UGCG: variants seen among roughly 807,000 people sequenced by gnomAD.
UGCG encodes the protein UDP-glucose ceramide glucosyltransferase, also known as ceramide glucosyltransferase.
Under a neutral mutation model 49.5 loss-of-function variants are expected in UGCG, and 10 were observed. That is an observed-to-expected ratio of 0.20 (90% CI 0.12 to 0.34). UGCG has a LOEUF of 0.34. Ranked by LOEUF, UGCG falls within the 10% of genes least tolerant of loss-of-function variation. The probability of loss-of-function intolerance (pLI) is 1.00; values close to 1 mark genes in which losing one functional copy is unlikely to be tolerated. For synonymous variants in UGCG, 182 were observed against 158.2 expected (o/e 1.15, Z -1.13); for missense variants, 312 against 483.7 (o/e 0.65, Z 3.33).
intron 1 of UGCG, among the ~76,000 whole-genome samples, chr9:111,899,918 T>G (rs979716654): frequency 2.6e-5 from 4 of 152,192 alleles, no homozygotes; most frequent in African/African-American, 9.7e-5. Flanking sequence ...TGCTTTATAC[T>G]TGGGTATGTT....
At position 111,933,067 on chromosome 9, in the gene UGCG, T is replaced by A; in HGVS notation, c.*70T>A. 1 of 1,280,544 alleles carries A rather than the reference T, an allele frequency of 7.8e-7. No individual in the cohort carries two copies. Among genetic ancestry groups the A allele is most frequent in the African/African-American group, 1.5e-5 (1 of 64,754 alleles). 79.3% of individuals were successfully genotyped at this position (1,280,544 alleles called of 1,614,324 possible). ...TAAATTATGTTTATATAAATGCTTT[T>A]AAAAATCTACCTTCTGTAGTTTTAT... On this transcript the variant is annotated 3_prime_UTR_variant, in exon 9 of 9. Coordinates refer to ENST00000374279, the MANE Select transcript of UGCG (RefSeq NM_003358.3).
chr9:111,898,133 T>A (rs1281925639), intron 1 of UGCG, among the ~76,000 whole-genome samples: 2 of 151,628 alleles, frequency 1.3e-5, no homozygotes, highest in African/African-American at 4.9e-5. Context: ...ACGAAGCGTG[T>A]AAGTAAAATA....
In UGCG at chr9:111,922,896, T is replaced by G; in HGVS notation, c.288T>G (p.Asp96Glu). 7 of 1,613,320 alleles carry G rather than the reference T, an allele frequency of 4.3e-6. No homozygotes were observed. The highest frequency in any genetic ancestry group is 5.9e-6 in the Non-Finnish European group (7 of 1,179,740). ...AAGATCATGATGATCCAGCCATTGA[T>G]GTATGTAAGAAGCTTCTTGGAAAAT... is the stretch of plus-strand genomic sequence containing the variant. ...CVQDHDDPAI[D>E]VCKKLLGKYP... The change falls in exon 3 of 9, where the codon GAT (aspartate) becomes GAG (glutamate). Residue 96 changes from aspartate (D) to glutamate (E), a missense_variant. Physicochemically the swap from Asp to Glu is conservative, Grantham distance 45 (BLOSUM62 2). This residue lies in a region of UGCG where 64 missense variants were observed against 67.6 expected (regional missense o/e 0.95). Transcript: ENST00000374279.
chr9:111,932,023 TAAA>T (rs10708488), intron 7 of UGCG, 144 bp from the exon 8 acceptor site: 55 of 738,156 alleles, frequency 7.5e-5, no homozygotes, highest in Non-Finnish European at 9.7e-5. Context: ...CCGTCTCAAG[TAAA>T]AAAAAAAAAA....
intron 5 of UGCG, among the ~76,000 whole-genome samples, chr9:111,927,510 G>C (rs1838338565): frequency 6.6e-6 from 1 of 151,654 alleles, no homozygotes. Context: ...GGAGTGCAGT[G>C]GCGCGATCTC....
intron 2 of UGCG, among the ~76,000 whole-genome samples, chr9:111,915,255 A>C (rs1415001370): frequency 6.6e-6 from 1 of 152,216 alleles, no homozygotes; most frequent in Non-Finnish European, 1.5e-5. Flanking sequence ...TTTAATAGCT[A>C]ATTGTATTGC....
At chr9:111,931,759 G>T (rs1007688096) in intron 7 of UGCG, among the ~76,000 whole-genome samples, 3 of 152,152 alleles carry the variant, frequency 2.0e-5, no homozygotes, top group African/African-American at 7.2e-5. Flanking sequence ...GTGTGTGGTG[G>T]CTCACACCTG....
intron 6 of UGCG, among the ~76,000 whole-genome samples, chr9:111,930,973 A>G (rs1245895741): frequency 2.6e-5 from 4 of 152,206 alleles, no homozygotes; most frequent in South Asian, 2.1e-4. Context: ...AGACTAATCT[A>G]TTAAATATGG....
intron 1 of UGCG, among the ~76,000 whole-genome samples, chr9:111,913,328 G>C (rs1220374088): frequency 6.6e-6 from 1 of 152,220 alleles, no homozygotes; most frequent in Non-Finnish European, 1.5e-5. Flanking sequence ...CTAGAAGTAG[G>C]AGGAAGGCTT....
intron 3 of UGCG, among the ~76,000 whole-genome samples, chr9:111,923,417 C>T (rs893540772): frequency 2.7e-5 from 4 of 150,860 alleles, no homozygotes; most frequent in South Asian, 2.1e-4. Flanking sequence ...ACCAGTAAGT[C>T]GTATAAAATG....
chr9:111,901,235 G>A (rs1837766402), intron 1 of UGCG, among the ~76,000 whole-genome samples: 1 of 152,192 alleles, frequency 6.6e-6, no homozygotes, highest in African/African-American at 2.4e-5. Context: ...AACTGGTTAT[G>A]TTTTTCATGT....
rs996399857 is a variant in UGCG, at chr9:111,928,778, G to A, written c.559-722G>A. Among the ~76,000 whole-genome samples, 3 of 152,176 alleles carry A rather than the reference G, an allele frequency of 2.0e-5. No individual in the cohort carries two copies. In the South Asian group the frequency reaches 6.2e-4, roughly 32 times the overall value. On this transcript the variant is annotated intron_variant, in intron 5 of 8. Coordinates refer to ENST00000374279, the MANE Select transcript of UGCG (RefSeq NM_003358.3). ...TTAGAAAAGGCAACATATCTGAGGTGTAAATAATAAATAGGATTTTATGTC... is the reference window on the plus strand; with the variant it reads ...TTAGAAAAGGCAACATATCTGAGGTATAAATAATAAATAGGATTTTATGTC...
chr9:111,901,012 AT>A (rs1462341243), intron 1 of UGCG, among the ~76,000 whole-genome samples: 4 of 151,484 alleles, frequency 2.6e-5, no homozygotes, highest in African/African-American at 9.7e-5. Flanking sequence ...CGCCCAGCTA[AT>A]TTTTGTCACC....
chr9:111,919,930 C>G (rs1198539397), intron 2 of UGCG, among the ~76,000 whole-genome samples: 1 of 152,182 alleles, frequency 6.6e-6, no homozygotes, highest in East Asian at 1.9e-4. Context: ...CTTAACCTCT[C>G]TAATCATTAT....
At position 111,926,518 on chromosome 9, in the gene UGCG, C is replaced by G. The variant is rs370923628; in HGVS notation, c.558+22C>G. Reference sequence around the variant, plus strand: ...GCAGGTGAGTATGGTGGTTATAAATCATGTTCATAGTATCAGACCCCTCAT... The same window carrying G: ...GCAGGTGAGTATGGTGGTTATAAATGATGTTCATAGTATCAGACCCCTCAT... On this transcript the variant is annotated intron_variant, in intron 5 of 8. Transcript: ENST00000374279. The G allele has an allele frequency of 1.4e-5, 22 of 1,565,148 alleles. No individual in the cohort carries two copies. The African/African-American group carries it at 2.7e-4, about 19-fold the overall frequency.
At position 111,926,462 on chromosome 9, in the gene UGCG, C is replaced by T; in HGVS notation, c.524C>T (p.Ala175Val). 1.9e-6 allele frequency: 3 copies of T among 1,610,540 alleles called. No homozygotes were observed. The highest frequency in any genetic ancestry group is 1.7e-5 in the Admixed American group (1 of 59,904). ...VGLVHGLPYVADRQGFAATLE... is the reference protein window; with the variant it reads ...VGLVHGLPYVVDRQGFAATLE... The stretch of plus-strand genomic sequence containing the variant: ...TTGGTTCACGGGCTGCCTTACGTAG[C>T]AGACAGACAGGGCTTTGCTGCCACC... The change falls in exon 5 of 9, where the codon GCA (alanine) becomes GTA (valine). Residue 175 changes from alanine (A) to valine (V), a missense_variant. This residue lies in a region of UGCG where 180 missense variants were observed against 320.4 expected (regional missense o/e 0.56). Transcript: ENST00000374279.
chr9:111,927,746 C>T (rs180955952), intron 5 of UGCG, among the ~76,000 whole-genome samples: 192 of 152,278 alleles, frequency 1.3e-3, no homozygotes, highest in Non-Finnish European at 2.0e-3. Flanking sequence ...CCACCACGCC[C>T]GGCAGGAAGT....
chr9:111,922,774 T>C, intron 2 of UGCG, 75 bp from the exon 3 acceptor site: 1 of 1,030,304 alleles, frequency 9.7e-7, no homozygotes, highest in African/African-American at 1.6e-5. Flanking sequence ...CCTGTGCTTT[T>C]TGTTCAATCA....
intron 2 of UGCG, 158 bp from the exon 3 acceptor site, chr9:111,922,691 G>C: frequency 2.3e-6 from 1 of 437,652 alleles, no homozygotes; most frequent in Non-Finnish European, 4.0e-6. Context: ...AGCAACACTT[G>C]TTATCATAAG....
Sources: allele counts gnomAD v4.1 joint callset (sites outside exome capture counted in the v4.1 genomes callset), GRCh38; gene constraint gnomAD v4.1.1; regional missense constraint gnomAD v4.1.1; transcripts MANE v1.5; gene names NCBI Gene and HGNC (gene_info 2026-07-23, HGNC 2026-07-21).